Variants in WWOX observed in about 807,000 individuals in gnomAD.
The protein encoded by WWOX is WW domain containing oxidoreductase, also known as WW domain-containing oxidoreductase.
In WWOX, 69 loss-of-function variants were observed where a neutral mutation model predicts 46.2. The observed-to-expected ratio is 1.49, with a 90% CI of 1.23 to 1.82. The LOEUF is 1.82. WWOX is among the 40% of genes most tolerant of loss of function. The probability of loss-of-function intolerance (pLI) is 0.00; values close to 1 mark genes in which losing one functional copy is unlikely to be tolerated. For missense variants in WWOX, 919 were observed against 542.6 expected (o/e 1.69, Z -6.89); for synonymous variants, 359 against 202.6 (o/e 1.77, Z -6.56).
intron 8 of WWOX, among the ~76,000 whole-genome samples, chr16:79,062,736 C>G (rs776791586): frequency 6.6e-5 from 10 of 152,160 alleles, no homozygotes; most frequent in Non-Finnish European, 7.4e-5. Flanking sequence ...AGGAAGGTGG[C>G]TTTATTTAAC....
At chr16:78,882,617 A>T (rs1019658525) in intron 8 of WWOX, among the ~76,000 whole-genome samples, 2 of 151,328 alleles carry the variant, frequency 1.3e-5, no homozygotes, top group East Asian at 3.9e-4. Context: ...CCTCCCGAGT[A>T]GCTGGGATTA....
intron 8 of WWOX, among the ~76,000 whole-genome samples, chr16:78,991,039 C>CAGAGCA (rs1221133369): frequency 1.3e-4 from 20 of 152,308 alleles, no homozygotes; most frequent in African/African-American, 4.6e-4. Context: ...TGCCTTTGAA[C>CAGAGCA]AGAGCAGGAC....
chr16:79,148,587 A>G (rs975830031), intron 8 of WWOX, among the ~76,000 whole-genome samples: 14 of 152,160 alleles, frequency 9.2e-5, no homozygotes, highest in East Asian at 3.9e-4. Flanking sequence ...ATGGTTGTCT[A>G]TGTCTACCAG....
chr16:78,563,320 A>C (rs34354957), intron 8 of WWOX, among the ~76,000 whole-genome samples: 24,266 of 151,784 alleles, frequency 0.16, 2,383 homozygotes, highest in African/African-American at 0.28. Context: ...TTATTTATTT[A>C]TTTCTTTTCA....
At chr16:78,881,573 C>G (rs2044344555) in intron 8 of WWOX, among the ~76,000 whole-genome samples, 1 of 152,164 alleles carries the variant, frequency 6.6e-6, no homozygotes, top group Non-Finnish European at 1.5e-5. Flanking sequence ...CAATTGCTGT[C>G]TAGCTTTAAG....
intron 8 of WWOX, among the ~76,000 whole-genome samples, chr16:78,930,286 T>A (rs28360944): frequency 1.3e-5 from 1 of 75,042 alleles, no homozygotes; most frequent in Non-Finnish European, 3.0e-5. Flanking sequence ...TTTCTTTTTT[T>A]ATTTTTTTTT....
At chr16:78,773,660 T>G (rs977532392) in intron 8 of WWOX, among the ~76,000 whole-genome samples, 6 of 152,218 alleles carry the variant, frequency 3.9e-5, no homozygotes, top group African/African-American at 1.4e-4. Flanking sequence ...CACTGGATAG[T>G]GTTTATTAAA....
chr16:78,837,317 A>G (rs2052016084), intron 8 of WWOX, among the ~76,000 whole-genome samples: 1 of 152,208 alleles, frequency 6.6e-6, no homozygotes, highest in African/African-American at 2.4e-5. Flanking sequence ...AGAGAAGTGA[A>G]CGAGGCAGTG....
At chr16:78,246,568 T>A (rs2037821966) in intron 5 of WWOX, among the ~76,000 whole-genome samples, 1 of 152,218 alleles carries the variant, frequency 6.6e-6, no homozygotes, top group Admixed American at 6.5e-5. Flanking sequence ...GTATAGCTGG[T>A]TTTTATGTCA....
intron 5 of WWOX, among the ~76,000 whole-genome samples, chr16:78,317,301 G>C (rs1043644323): frequency 6.6e-6 from 1 of 152,120 alleles, no homozygotes; most frequent in South Asian, 2.1e-4. Flanking sequence ...CTCTGTCTCT[G>C]TTTCTGTCTC....
intron 8 of WWOX, among the ~76,000 whole-genome samples, chr16:79,125,413 G>A (rs1160707911): frequency 6.6e-6 from 1 of 152,204 alleles, no homozygotes; most frequent in Non-Finnish European, 1.5e-5. Context: ...ATAAGCCTTT[G>A]AAGAGAGTGC....
intron 8 of WWOX, among the ~76,000 whole-genome samples, chr16:78,887,033 T>C (rs1447356672): frequency 2.0e-5 from 3 of 151,142 alleles, no homozygotes; most frequent in Non-Finnish European, 4.4e-5. Context: ...TTTTCTGAAA[T>C]TGGAAGTGAT....
At chr16:79,021,361 G>A (rs2047529415) in intron 8 of WWOX, among the ~76,000 whole-genome samples, 1 of 152,130 alleles carries the variant, frequency 6.6e-6, no homozygotes, top group Non-Finnish European at 1.5e-5. Context: ...ATCATCACCT[G>A]TTTTTGTGTC....
At chr16:78,876,467 C>T (rs1320277110) in intron 8 of WWOX, among the ~76,000 whole-genome samples, 1 of 123,138 alleles carries the variant, frequency 8.1e-6, no homozygotes, top group Non-Finnish European at 1.7e-5. Flanking sequence ...ATGCTTGACT[C>T]TTCTTTTTTT....
rs112154448 is a variant in WWOX at position 78,448,717 on chromosome 16, A to G, written c.1056+15965A>G. Among the ~76,000 whole-genome samples the G allele has an allele frequency of 6.6e-5, 10 of 152,298 alleles. 1 individual carries two copies. Among genetic ancestry groups the G allele is most frequent in the African/African-American group, 2.2e-4 (9 of 41,572 alleles). On this transcript the variant is annotated intron_variant, in intron 8 of 8. Transcript: ENST00000566780. ...GTTGCTGTTTTAATGAAGAGGCTGG[A>G]CATTAAAATCAAGGGGAGGAATAAT...
At chr16:79,053,603 C>G (rs1039336934) in intron 8 of WWOX, among the ~76,000 whole-genome samples, 5 of 152,068 alleles carry the variant, frequency 3.3e-5, no homozygotes, top group African/African-American at 7.2e-5. Context: ...GAATATTAAT[C>G]TAATTATATT....
chr16:78,418,382 A>AG, intron 6 of WWOX, among the ~76,000 whole-genome samples: 1 of 151,982 alleles, frequency 6.6e-6, no homozygotes, highest in East Asian at 1.9e-4. Context: ...AAAAAAAAAA[A>AG]GAATTAATAT....
intron 5 of WWOX, among the ~76,000 whole-genome samples, chr16:78,337,645 T>A (rs1457795119): frequency 3.3e-5 from 5 of 152,112 alleles, no homozygotes; most frequent in Admixed American, 2.6e-4. Context: ...CCCCTGAAAG[T>A]GTTATTAAAA....
At position 78,397,023 on chromosome 16, in the gene WWOX, C is replaced by T. The variant is rs151290027; in HGVS notation, c.605+10075C>T. 8.5e-5 allele frequency among the ~76,000 whole-genome samples: 13 copies of T among 152,182 alleles called. No individual in the cohort carries two copies. In the East Asian group the frequency reaches 2.3e-3, roughly 27 times the overall value. On this transcript the variant is annotated intron_variant, in intron 6 of 8. Transcript: ENST00000566780. ...ATCATGAGAAATATATTCTGTTTTTCTTAGAAAATGGGTTATGTTAGGTCT... is the reference window on the plus strand; with the variant it reads ...ATCATGAGAAATATATTCTGTTTTTTTTAGAAAATGGGTTATGTTAGGTCT...
Sources: allele counts gnomAD v4.1 joint callset (sites outside exome capture counted in the v4.1 genomes callset), GRCh38; gene constraint gnomAD v4.1.1; transcripts MANE v1.5; gene names NCBI Gene and HGNC (gene_info 2026-07-23, HGNC 2026-07-21).